IDO2: variants seen among roughly 807,000 people sequenced by gnomAD.
The protein encoded by IDO2 is indoleamine 2,3-dioxygenase-like 1 protein.
Under a neutral mutation model 45.1 loss-of-function variants are expected in IDO2, and 46 were observed. The observed-to-expected ratio is 1.02, with a 90% CI of 0.80 to 1.30. The LOEUF is 1.30. Ranked by LOEUF, IDO2 falls within the 50% of genes most tolerant of loss-of-function variation. IDO2 has a pLI of 0.00. For synonymous variants in IDO2, 218 were observed against 184.9 expected (o/e 1.18, Z -1.45); for missense variants, 544 against 491.8 (o/e 1.11, Z -1.00).
intron 2 of IDO2, among the ~76,000 whole-genome samples, chr8:39,962,203 A>G (rs11990694): frequency 0.012 from 1,894 of 152,288 alleles, 44 homozygotes; most frequent in African/African-American, 0.043. Context: ...AAATGGAGCT[A>G]TTGGGCTAGT....
intron 2 of IDO2, among the ~76,000 whole-genome samples, chr8:39,953,355 G>A (rs562874496): frequency 1.1e-4 from 16 of 152,114 alleles, no homozygotes; most frequent in African/African-American, 3.9e-4. Context: ...TACTGATGCC[G>A]AAGCTCCACC....
intron 9 of IDO2, among the ~76,000 whole-genome samples, chr8:40,009,846 C>T (rs758806575): frequency 1.2e-4 from 18 of 152,148 alleles, no homozygotes; most frequent in Non-Finnish European, 1.9e-4. Flanking sequence ...AAGTTGGCCA[C>T]GTTCTTTCAA....
chr8:40,015,024 C>T (rs148608002), intron 10 of IDO2, among the ~76,000 whole-genome samples: 19 of 152,066 alleles, frequency 1.2e-4, no homozygotes, highest in Admixed American at 2.0e-4. Context: ...GGTGTGGTGG[C>T]GCACACCTGT....
chr8:39,974,061 T>C (rs1054957397), intron 3 of IDO2, among the ~76,000 whole-genome samples: 5 of 152,112 alleles, frequency 3.3e-5, no homozygotes, highest in Admixed American at 2.0e-4. Flanking sequence ...TGTATTGGTG[T>C]GCTATGCCAG....
intron 3 of IDO2, among the ~76,000 whole-genome samples, chr8:39,972,972 T>C (rs1808202643): frequency 6.6e-6 from 1 of 152,232 alleles, no homozygotes; most frequent in Non-Finnish European, 1.5e-5. Context: ...AACTTTTACA[T>C]GCACTGGGAA....
chr8:39,954,565 C>T (rs1009732150), intron 2 of IDO2, among the ~76,000 whole-genome samples: 3 of 151,690 alleles, frequency 2.0e-5, no homozygotes, highest in African/African-American at 7.3e-5. Flanking sequence ...ATGTCTTGCT[C>T]CTTGGCTTGT....
At chr8:39,955,254 T>A (rs1807875781) in intron 2 of IDO2, among the ~76,000 whole-genome samples, 2 of 55,128 alleles carry the variant, frequency 3.6e-5, no homozygotes, top group Non-Finnish European at 4.0e-5. Flanking sequence ...TATTTGCCTT[T>A]TTTTTTTTTT....
chr8:39,951,275 ATT>A (rs71220803), intron 2 of IDO2, among the ~76,000 whole-genome samples: 127 of 135,984 alleles, frequency 9.3e-4, no homozygotes, highest in Non-Finnish European at 1.3e-3. Flanking sequence ...GGACCCCAAG[ATT>A]TTTTTTTTTT....
chr8:39,971,138 G>T (rs1808173867), intron 3 of IDO2, among the ~76,000 whole-genome samples: 2 of 152,146 alleles, frequency 1.3e-5, no homozygotes, highest in African/African-American at 4.8e-5. Context: ...AGGGGCTAGT[G>T]CAGCTGGTGA....
intron 8 of IDO2, among the ~76,000 whole-genome samples, chr8:39,995,866 T>A (rs1371502511): frequency 3.3e-5 from 5 of 152,292 alleles, no homozygotes; most frequent in Non-Finnish European, 7.4e-5. Flanking sequence ...GAGGGCTCCT[T>A]GGTCTAGCGG....
intron 8 of IDO2, 91 bp from the exon 9 acceptor site, chr8:40,005,236 A>G (rs1196167296): frequency 5.5e-6 from 4 of 728,228 alleles, no homozygotes; most frequent in Non-Finnish European, 8.8e-6. Context: ...CAGATAGGGA[A>G]GGAACTCCGG....
In IDO2 at chr8:39,980,031, C is replaced by T. The variant is rs111941916; in HGVS notation, c.315+845C>T. On this transcript the variant is annotated intron_variant, in intron 4 of 10. Transcript: ENST00000502986. ...AGAGATGAGGGTCTTGCTGTTTTGC[C>T]CAGGCTGATCTTAAACTCCTGGCCT... Among the ~76,000 whole-genome samples the T allele has an allele frequency of 6.2e-3, 942 of 152,208 alleles. 5 individuals are homozygous for T. The highest frequency in any genetic ancestry group is 9.4e-3 in the Non-Finnish European group (642 of 68,008).
intron 8 of IDO2, among the ~76,000 whole-genome samples, chr8:39,997,027 G>A (rs566930344): frequency 6.6e-6 from 1 of 152,292 alleles, no homozygotes; most frequent in Admixed American, 6.5e-5. Flanking sequence ...TGCTGCTCAA[G>A]CTATGAATGC....
At chr8:39,992,824 T>G (rs1312313251) in intron 8 of IDO2, among the ~76,000 whole-genome samples, 1 of 152,224 alleles carries the variant, frequency 6.6e-6, no homozygotes, top group East Asian at 1.9e-4. Flanking sequence ...CATAAATACT[T>G]CCTTTCCAGG....
At chr8:39,960,576 C>CTATTTTCTAAT (rs1281406170) in intron 2 of IDO2, among the ~76,000 whole-genome samples, 1 of 152,214 alleles carries the variant, frequency 6.6e-6, no homozygotes, top group African/African-American at 2.4e-5. Context: ...TTTCTAATTC[C>CTATTTTCTAAT]TCAACACACT....
At chr8:39,968,197 T>C (rs1808126328) in intron 3 of IDO2, among the ~76,000 whole-genome samples, 1 of 152,120 alleles carries the variant, frequency 6.6e-6, no homozygotes, top group Non-Finnish European at 1.5e-5. Context: ...GCGATACAAA[T>C]GATTGAGCAA....
At chr8:39,943,855 A>C (rs755786660) in intron 1 of IDO2, among the ~76,000 whole-genome samples, 1 of 152,074 alleles carries the variant, frequency 6.6e-6, no homozygotes, top group Non-Finnish European at 1.5e-5. Flanking sequence ...CACCACTCTT[A>C]CTCAACATAG....
chr8:39,974,888 T>A (rs1225410218), intron 3 of IDO2, among the ~76,000 whole-genome samples: 1 of 150,678 alleles, frequency 6.6e-6, no homozygotes, highest in East Asian at 2.0e-4. Context: ...ACGACGGCAC[T>A]CCAGCCTGGT....
intron 9 of IDO2, among the ~76,000 whole-genome samples, chr8:40,012,031 C>T (rs543856500): frequency 6.6e-6 from 1 of 152,268 alleles, no homozygotes; most frequent in East Asian, 1.9e-4. Context: ...GTAGCACAGC[C>T]AACCCAAAGC....
Sources: allele counts gnomAD v4.1 joint callset (sites outside exome capture counted in the v4.1 genomes callset), GRCh38; gene constraint gnomAD v4.1.1; transcripts MANE v1.5; gene names NCBI Gene and HGNC (gene_info 2026-07-23, HGNC 2026-07-21).